ARHGAP45: variants seen among roughly 807,000 people sequenced by gnomAD.
The protein encoded by ARHGAP45 is Rho GTPase activating protein 45.
Under a neutral mutation model 116.1 loss-of-function variants are expected in ARHGAP45, and 56 were observed. The observed-to-expected ratio is 0.48, with a 90% CI of 0.39 to 0.60. ARHGAP45 has a LOEUF of 0.60. Among genes scored for constraint, ARHGAP45 ranks in the 20% least tolerant of loss-of-function variants. The pLI, the probability that ARHGAP45 is intolerant of heterozygous loss-of-function variation, is 0.00. For missense variants in ARHGAP45, 1,622 were observed against 1,601.0 expected (o/e 1.01, Z -0.22); for synonymous variants, 866 against 701.7 (o/e 1.23, Z -3.70).
chr19:1,069,260 G>A lies in ARHGAP45; in HGVS notation c.421+516G>A, dbSNP rs1325626888. The stretch of plus-strand genomic sequence containing the variant: ...GGCGAGGGGCAGGATGGGGTCATCA[G>A]GCGGCGGAGGTGCTGGGACCCAGCG... On this transcript the variant is annotated intron_variant, in intron 2 of 22. Coordinates refer to ENST00000313093, the MANE Select transcript of ARHGAP45 (RefSeq NM_012292.5). This position sits in a 1 kb window ranked among gnomAD's most constrained non-coding sequence, Gnocchi z 4.1. 6.6e-6 allele frequency among the ~76,000 whole-genome samples: 1 copy of A among 152,174 alleles called. No homozygotes were observed. The highest frequency in any genetic ancestry group is 6.5e-5 in the Admixed American group (1 of 15,280).
At chr19:1,075,724 C>T (rs1172371406) in intron 10 of ARHGAP45, among the ~76,000 whole-genome samples, 3 of 152,208 alleles carry the variant, frequency 2.0e-5, no homozygotes, top group Non-Finnish European at 4.4e-5. Context: ...AATGATCCTC[C>T]CACCTCAGCC....
intron 13 of ARHGAP45, 49 bp from the exon 14 acceptor site, chr19:1,080,206 T>C (rs1267687237): frequency 6.2e-7 from 1 of 1,610,032 alleles, no homozygotes; most frequent in Non-Finnish European, 8.5e-7. Context: ...AAGATGAAGC[T>C]GTCTTGCCCC....
chr19:1,070,523 T>G (rs1218702285), intron 2 of ARHGAP45, among the ~76,000 whole-genome samples: 1 of 150,090 alleles, frequency 6.7e-6, no homozygotes, highest in Non-Finnish European at 1.5e-5. Context: ...TTTTTTTTTT[T>G]TTTAGTAGAG....
Position 1,086,481 on chromosome 19 carries a change from G to A in ARHGAP45, c.*475G>A, listed in dbSNP as rs891091943. On this transcript the variant is annotated 3_prime_UTR_variant, in exon 23 of 23. Coordinates refer to ENST00000313093, the MANE Select transcript of ARHGAP45 (RefSeq NM_012292.5). ...CAGTTTCCAGGGTGCAGTACAGCAG[G>A]GCCTGAATACTGGCCCTGGACTCCC... The A allele has an allele frequency of 1.3e-5, 2 of 156,532 alleles. No homozygotes were observed. Among genetic ancestry groups the A allele is most frequent in the African/African-American group, 4.8e-5 (2 of 41,496 alleles). 9.7% of individuals were successfully genotyped at this position (156,532 alleles called of 1,614,324 possible).
chr19:1,079,663 G>A (rs748739481), intron 11 of ARHGAP45, 40 bp from the exon 12 acceptor site: 15 of 1,607,464 alleles, frequency 9.3e-6, no homozygotes, highest in Middle Eastern at 3.3e-4. Flanking sequence ...CCTGCACCCC[G>A]GGCTGAGGCC....
rs1357750644 is a variant in ARHGAP45 at position 1,074,225 on chromosome 19, G to A, written c.912G>A (p.Glu304=). Residue 304 remains glutamate (E), a synonymous_variant, in exon 7 of 23, where the codon GAG becomes GAA. Coordinates refer to ENST00000313093, the MANE Select transcript of ARHGAP45 (RefSeq NM_012292.5). ...KYMKDLISYL[E]KRTTLEMEFA... is the part of the protein sequence containing the mutation. ...TGAAGGACCTCATCAGCTACCTGGA[G>A]AAGCGGACGACGCTGGGTGAGAGCT... 1 of 1,613,258 alleles carries A rather than the reference G, an allele frequency of 6.2e-7. No homozygotes were observed. Among genetic ancestry groups the A allele is most frequent in the East Asian group, 2.2e-5 (1 of 44,886 alleles).
chr19:1,072,003 C>T (rs1011016235), intron 2 of ARHGAP45, among the ~76,000 whole-genome samples: 12 of 151,852 alleles, frequency 7.9e-5, no homozygotes, highest in Non-Finnish European at 1.5e-4. Context: ...TTCGCCTGTA[C>T]TCTCTGCTTT....
In ARHGAP45 at chr19:1,073,282, CA is replaced by C; in HGVS notation, c.557del (p.Lys186ArgfsTer47). 6.2e-7 allele frequency: 1 copy of C among 1,613,454 alleles called. No individual in the cohort carries two copies. The highest frequency in any genetic ancestry group is 8.5e-7 in the Non-Finnish European group (1 of 1,179,950). On this transcript the variant is annotated frameshift_variant, in exon 3 of 23. Coordinates refer to ENST00000313093, the MANE Select transcript of ARHGAP45 (RefSeq NM_012292.5). LOFTEE classifies it high-confidence loss of function. Reference sequence around the variant, plus strand: ...TCACCGCAGCCGGCACCCTCATTGCCAAGGTCAAAGGTCAGCCTGCTGGAAC... The same window carrying C: ...TCACCGCAGCCGGCACCCTCATTGCCAGGTCAAAGGTCAGCCTGCTGGAAC... ...TLTAAGTLIAKVKAFHYESNN... is the reference protein window; with the variant it reads ...TLTAAGTLIAXVKAFHYESNN...
At chr19:1,079,900 C>A in intron 12 of ARHGAP45, 28 bp from the exon 13 acceptor site, 2 of 1,599,394 alleles carry the variant, frequency 1.3e-6, no homozygotes, top group Non-Finnish European at 1.7e-6. Context: ...CTCCTCCTGA[C>A]CCCTCCGCTC....
chr19:1,075,689 C>T (rs751201681), intron 10 of ARHGAP45, among the ~76,000 whole-genome samples: 3 of 152,200 alleles, frequency 2.0e-5, no homozygotes, highest in Admixed American at 2.0e-4. Context: ...TCATACCTCA[C>T]TGCAGACTTG....
rs567698128 is a variant in ARHGAP45, at chr19:1,084,111, T to C, written c.2956-127T>C. On this transcript the variant is annotated intron_variant, in intron 21 of 22. Transcript: ENST00000313093. ...GCGGTTTCTCGGGTTTGCTCTTGGC[T>C]GAGGACAGACCGCCTGGGCAACAGC... 2.1e-4 allele frequency: 177 copies of C among 856,286 alleles called. 1 individual carries two copies. In the South Asian group the frequency reaches 2.4e-3, roughly 12 times the overall value. 53.0% of individuals were successfully genotyped at this position (856,286 alleles called of 1,614,324 possible). A position where few individuals can be genotyped will look rare whatever the true frequency, so the allele number is the denominator to read the frequency against.
In ARHGAP45 at chr19:1,074,804, G is replaced by A. The variant is rs2043207992; in HGVS notation, c.1110G>A (p.Leu370=). 1 of 1,550,780 alleles carries A rather than the reference G, an allele frequency of 6.4e-7. No homozygotes were observed. Among genetic ancestry groups the A allele is most frequent in the African/African-American group, 1.4e-5 (1 of 72,906 alleles). Residue 370 remains leucine (L), a synonymous_variant, in exon 10 of 23, where the codon CTG becomes CTA. Transcript: ENST00000313093. ...TLQTQTFMQP[L]TLRRLEHEKR... is the part of the protein sequence containing the mutation. ...CACGGCCCGTCTCGCCCCAGCCCCT[G>A]ACCCTGCGGCGGCTTGAACACGAGA...
chr19:1,073,386 G>A (rs2043175730), intron 3 of ARHGAP45, 94 bp downstream of exon 3: 3 of 1,576,968 alleles, frequency 1.9e-6, no homozygotes, highest in Non-Finnish European at 2.6e-6. Context: ...GGATGCATAG[G>A]AGTTTGACAG....
chr19:1,082,747 C>T (rs1599771658), intron 19 of ARHGAP45, 93 bp from the exon 20 acceptor site: 6 of 1,120,880 alleles, frequency 5.4e-6, no homozygotes, highest in Admixed American at 6.3e-5. Flanking sequence ...GGCCAGTGCT[C>T]TGTGGGGGTG....
rs949656541 is a variant in ARHGAP45 at position 1,086,442 on chromosome 19, G to A, written c.*436G>A. On this transcript the variant is annotated 3_prime_UTR_variant, in exon 23 of 23. Transcript: ENST00000313093. ...TCTGGGAGCCGTGGATGGGGGCGGAGCTGGGGTTTGGTGCAGTTTCCAGGG... is the reference window on the plus strand; with the variant it reads ...TCTGGGAGCCGTGGATGGGGGCGGAACTGGGGTTTGGTGCAGTTTCCAGGG... 1.1e-5 allele frequency: 2 copies of A among 174,238 alleles called. No individual in the cohort carries two copies. The highest frequency in any genetic ancestry group is 1.1e-4 in the Admixed American group (2 of 17,678). 10.8% of individuals were successfully genotyped at this position (174,238 alleles called of 1,614,324 possible).
Position 1,073,144 on chromosome 19 carries a change from A to C in ARHGAP45, c.422-5A>C. 5 of 1,603,714 alleles carry C rather than the reference A, an allele frequency of 3.1e-6. No individual in the cohort carries two copies. Among genetic ancestry groups the C allele is most frequent in the Non-Finnish European group, 3.4e-6 (4 of 1,179,616 alleles). ...CCCACTGCTCACTCCGACTCTCCCC[A>C]GCAGACCTCCTTGAGGCCCGCCGCC... On this transcript the variant is annotated splice_region_variant and splice_polypyrimidine_tract_variant and intron_variant, in intron 2 of 22. Coordinates refer to ENST00000313093, the MANE Select transcript of ARHGAP45 (RefSeq NM_012292.5).
Position 1,074,330 on chromosome 19 carries a change from C to G in ARHGAP45, c.929-13C>G. 1 of 1,611,226 alleles carries G rather than the reference C, an allele frequency of 6.2e-7. No individual in the cohort carries two copies. The highest frequency in any genetic ancestry group is 2.2e-5 in the East Asian group (1 of 44,858). ...CCTTGTCCCAGCACCTCACACCCCT[C>G]TCCGGCCCGCAGAGATGGAGTTTGC... is the stretch of plus-strand genomic sequence containing the variant. On this transcript the variant is annotated splice_polypyrimidine_tract_variant and intron_variant, in intron 7 of 22. Transcript: ENST00000313093.
At chr19:1,081,522 T>A in intron 17 of ARHGAP45, 28 bp from the exon 18 acceptor site, 1 of 1,446,568 alleles carries the variant, frequency 6.9e-7, no homozygotes, top group Non-Finnish European at 9.1e-7. Context: ...GCCCCGGGGC[T>A]GGGCTCACTC....
chr19:1,076,744 A>C (rs2043259360), intron 10 of ARHGAP45, among the ~76,000 whole-genome samples: 1 of 151,418 alleles, frequency 6.6e-6, no homozygotes, highest in South Asian at 2.1e-4. Flanking sequence ...TAATCTGCCC[A>C]CCTTGTCCTT....
Sources: allele counts gnomAD v4.1 joint callset (sites outside exome capture counted in the v4.1 genomes callset), GRCh38; gene constraint gnomAD v4.1.1; non-coding constraint Gnocchi (gnomAD v3.1); transcripts MANE v1.5; gene names NCBI Gene and HGNC (gene_info 2026-07-23, HGNC 2026-07-21).